The following LRRC47 variants were observed in gnomAD, a reference collection of about 807,000 sequenced individuals.
The protein encoded by LRRC47 is leucine-rich repeat-containing protein 47.
In LRRC47, 31 loss-of-function variants were observed where a neutral mutation model predicts 40.9. The observed-to-expected ratio is 0.76, with a 90% CI of 0.57 to 1.02. LRRC47 has a LOEUF of 1.02. Among genes scored for constraint, LRRC47 ranks in the 50% least tolerant of loss-of-function variants. The pLI, the probability that LRRC47 is intolerant of heterozygous loss-of-function variation, is 0.00. For synonymous variants in LRRC47, 427 were observed against 371.9 expected (o/e 1.15, Z -1.70); for missense variants, 726 against 796.1 (o/e 0.91, Z 1.06).
chr1:3,787,946 C>T (rs111498220), intron 1 of LRRC47, among the ~76,000 whole-genome samples: 1 of 152,210 alleles, frequency 6.6e-6, no homozygotes, highest in Non-Finnish European at 1.5e-5. Flanking sequence ...TCGGGCCCAC[C>T]ACCGTGTGCC....
At chr1:3,787,546 G>C (rs1643588226) in intron 1 of LRRC47, among the ~76,000 whole-genome samples, 1 of 152,084 alleles carries the variant, frequency 6.6e-6, no homozygotes, top group African/African-American at 2.4e-5. Flanking sequence ...GTCAGCCACG[G>C]TTAACAGTGA....
chr1:3,783,670 G>C, intron 4 of LRRC47: 1 of 268,214 alleles, frequency 3.7e-6, no homozygotes, highest in Admixed American at 4.9e-5. Flanking sequence ...ATAAAATGCT[G>C]TGGGTTGGGC....
intron 1 of LRRC47, among the ~76,000 whole-genome samples, chr1:3,791,352 T>C (rs1643624808): frequency 6.6e-6 from 1 of 152,224 alleles, no homozygotes; most frequent in South Asian, 2.1e-4. Flanking sequence ...CCTCCCAGTC[T>C]TCCTACAGAG....
chr1:3,785,872 C>CTTT (rs35626368), intron 2 of LRRC47, among the ~76,000 whole-genome samples: 1 of 141,682 alleles, frequency 7.1e-6, no homozygotes. Context: ...CCTGATTTTC[C>CTTT]TTTTTTTTTT....
chr1:3,787,429 G>A (rs769734249), intron 1 of LRRC47, 119 bp from the exon 2 acceptor site: 27 of 982,698 alleles, frequency 2.7e-5, no homozygotes, highest in Non-Finnish European at 3.9e-5. Flanking sequence ...GCCTGTCTGT[G>A]GGGACGCGTC....
chr1:3,790,388 C>T (rs1054065316), intron 1 of LRRC47, among the ~76,000 whole-genome samples: 3 of 152,232 alleles, frequency 2.0e-5, no homozygotes, highest in African/African-American at 7.2e-5. Context: ...GGCCCAGGGC[C>T]TGAAAGGATG....
intron 2 of LRRC47, among the ~76,000 whole-genome samples, chr1:3,786,496 TA>T (rs112460309): frequency 3.2e-4 from 46 of 145,344 alleles, no homozygotes; most frequent in East Asian, 4.0e-4. Flanking sequence ...CGAGACTCCT[TA>T]AAAAAAAAAA....
intron 1 of LRRC47, 59 bp from the exon 2 acceptor site, chr1:3,787,369 C>A: frequency 6.7e-7 from 1 of 1,499,876 alleles, no homozygotes; most frequent in South Asian, 1.3e-5. Context: ...AGTCCAAGGT[C>A]ATGCTCGAGA....
chr1:3,796,075 G>A lies in LRRC47; in HGVS notation c.402C>T (p.Leu134=), dbSNP rs1280803098. The A allele has an allele frequency of 2.0e-6, 3 of 1,522,082 alleles. No individual in the cohort carries two copies. Among genetic ancestry groups the A allele is most frequent in the East Asian group, 2.6e-5 (1 of 38,062 alleles). 94.3% of individuals were successfully genotyped at this position (1,522,082 alleles called of 1,614,324 possible). A position where few individuals can be genotyped will look rare whatever the true frequency, so the allele number is the denominator to read the frequency against. The change falls in exon 1 of 7, where the codon CTC becomes CTT. Residue 134 remains leucine, a synonymous_variant. Transcript: ENST00000378251. ...CGCGCAGCCGGTTGCCGCTGAGGTT[G>A]AGGCTCTGCAGCTGCGGAAGGCCCG... ...EPPGLPQLQS[L]NLSGNRLREL... is the part of the protein sequence containing the mutation.
At chr1:3,790,330 C>T (rs58882037) in intron 1 of LRRC47, among the ~76,000 whole-genome samples, 3,233 of 152,316 alleles carry the variant, frequency 0.021, 76 homozygotes, top group East Asian at 0.11. Context: ...CAGGAGGGTT[C>T]ACATTGAGGC....
Position 3,787,311 on chromosome 1 carries a change from C to T in LRRC47, c.616-1G>A. The T allele has an allele frequency of 6.2e-7, 1 of 1,607,476 alleles. No individual in the cohort carries two copies. Among genetic ancestry groups the T allele is most frequent in the Non-Finnish European group, 8.5e-7 (1 of 1,178,072 alleles). On this transcript the variant is annotated splice_acceptor_variant, in intron 1 of 6. Coordinates refer to ENST00000378251, the MANE Select transcript of LRRC47 (RefSeq NM_020710.3). LOFTEE classifies it high-confidence loss of function. ...GCTGGTTGTTCGAGAGGTCCAACGT[C>T]TGCAAAGAGAAACATGGACGCGTCA...
At chr1:3,784,910 G>A (rs1034393668) in intron 3 of LRRC47, 177 bp downstream of exon 3, 2 of 374,710 alleles carry the variant, frequency 5.3e-6, no homozygotes, top group South Asian at 3.1e-5. Context: ...CAGGAGAATC[G>A]CTTCAACCCA....
chr1:3,790,141 C>G (rs949595173), intron 1 of LRRC47, among the ~76,000 whole-genome samples: 1 of 152,226 alleles, frequency 6.6e-6, no homozygotes, highest in South Asian at 2.1e-4. Flanking sequence ...CCTGGCATAC[C>G]GGCTGCCTTC....
Position 3,796,430 on chromosome 1 carries a change from G to A in LRRC47, c.47C>T (p.Ala16Val), listed in dbSNP as rs933384212. The A allele has an allele frequency of 1.3e-6, 2 of 1,520,870 alleles. No individual in the cohort carries two copies. The highest frequency in any genetic ancestry group is 2.6e-5 in the East Asian group (1 of 38,398). 94.2% of individuals were successfully genotyped at this position (1,520,870 alleles called of 1,614,324 possible). Residue 16 changes from alanine to valine, a missense_variant, in exon 1 of 7, where the codon GCT (alanine) becomes GTT (valine). Coordinates refer to ENST00000378251, the MANE Select transcript of LRRC47 (RefSeq NM_020710.3). The stretch of plus-strand genomic sequence containing the variant: ...CAGCTCCCGCCGCCGCTCGCGCTCA[G>A]CCAGCTCCAGCTCCGGCCAAGACTC... Reference protein sequence around the residue: ...VSESWPELELAERERRRELLL... With the variant: ...VSESWPELELVERERRRELLL...
chr1:3,788,122 G>A (rs1643594578), intron 1 of LRRC47, among the ~76,000 whole-genome samples: 1 of 152,392 alleles, frequency 6.6e-6, no homozygotes, highest in South Asian at 2.1e-4. Flanking sequence ...GGGCAGCGCA[G>A]GGAACGTGCG....
In LRRC47 at chr1:3,779,780, T is replaced by C. The variant is rs1643501198; in HGVS notation, c.*1308A>G. 6.6e-6 allele frequency: 1 copy of C among 152,150 alleles called. No individual in the cohort carries two copies. Among genetic ancestry groups the C allele is most frequent in the South Asian group, 2.1e-4 (1 of 4,830 alleles). The allele number at this position is 152,150 out of a possible 1,614,324, so 9.4% of individuals were successfully genotyped here. A position where few individuals can be genotyped will look rare whatever the true frequency, so the allele number is the denominator to read the frequency against. On this transcript the variant is annotated 3_prime_UTR_variant, in exon 7 of 7. Transcript: ENST00000378251. ...CACTGCAGCACCAGCGTGCACACGATGGAAACCCCACCGATGCCGCTCTCC... is the reference window on the plus strand; with the variant it reads ...CACTGCAGCACCAGCGTGCACACGACGGAAACCCCACCGATGCCGCTCTCC...
chr1:3,782,889 G>T, intron 4 of LRRC47, 126 bp from the exon 5 acceptor site: 2 of 675,698 alleles, frequency 3.0e-6, no homozygotes, highest in Middle Eastern at 2.5e-4. Context: ...GGGCCCAGGA[G>T]TTGGCTGGGG....
At position 3,786,831 on chromosome 1, in the gene LRRC47, A is replaced by AC; in HGVS notation, c.1077+17dup. 1 of 1,560,694 alleles carries AC rather than the reference A, an allele frequency of 6.4e-7. No homozygotes were observed. Among genetic ancestry groups the AC allele is most frequent in the Non-Finnish European group, 8.7e-7 (1 of 1,151,608 alleles). On this transcript the variant is annotated intron_variant, in intron 2 of 6. Coordinates refer to ENST00000378251, the MANE Select transcript of LRRC47 (RefSeq NM_020710.3). ...ACACCTCTGTCCCAGTCATCTGAGG[A>AC]CCCCCACGGGCACCCACCTGCGAGG...
intron 5 of LRRC47, 106 bp downstream of exon 5, chr1:3,782,555 A>T: frequency 1.4e-6 from 1 of 736,806 alleles, no homozygotes; most frequent in Non-Finnish European, 2.5e-6. Flanking sequence ...CGGTCTCCCA[A>T]AATGCTGGGA....
Sources: allele counts gnomAD v4.1 joint callset (sites outside exome capture counted in the v4.1 genomes callset), GRCh38; gene constraint gnomAD v4.1.1; transcripts MANE v1.5; gene names NCBI Gene and HGNC (gene_info 2026-07-23, HGNC 2026-07-21).